Variants in PHRF1 observed in about 807,000 individuals in gnomAD.
PHRF1 encodes the protein PHD and ring finger domains 1.
PHRF1 carries 53 observed loss-of-function variants against 128.9 expected under a neutral mutation model. That is an observed-to-expected ratio of 0.41 (90% CI 0.33 to 0.52). The LOEUF is 0.52. Among genes scored for constraint, PHRF1 ranks in the 20% least tolerant of loss-of-function variants. The probability of loss-of-function intolerance (pLI) is 0.21; values close to 1 mark genes in which losing one functional copy is unlikely to be tolerated. For missense variants in PHRF1, 2,503 were observed against 2,284.5 expected (o/e 1.10, Z -1.95); for synonymous variants, 1,178 against 980.6 (o/e 1.20, Z -3.76).
In PHRF1 at chr11:611,624, C is replaced by T; in HGVS notation, c.4807-10C>T. The T allele has an allele frequency of 6.2e-7, 1 of 1,612,880 alleles. No homozygotes were observed. The highest frequency in any genetic ancestry group is 2.2e-5 in the East Asian group (1 of 44,886). On this transcript the variant is annotated splice_polypyrimidine_tract_variant and intron_variant, in intron 17 of 17. Coordinates refer to ENST00000264555, the MANE Select transcript of PHRF1 (RefSeq NM_001286581.2). ...GAAAGGGCATTTGGTGATTGCACCT[C>T]TTTCTCCAGATCTGCCACAGCAAGA... is the stretch of plus-strand genomic sequence containing the variant.
chr11:607,585 G>A lies in PHRF1; in HGVS notation c.2129G>A (p.Cys710Tyr), dbSNP rs1187716546. The A allele has an allele frequency of 6.2e-7, 1 of 1,612,462 alleles. No individual in the cohort carries two copies. The highest frequency in any genetic ancestry group is 2.2e-5 in the East Asian group (1 of 44,844). The change falls in exon 14 of 18, where the codon TGC (cysteine) becomes TAC (tyrosine). Residue 710 changes from cysteine (C) to tyrosine (Y), a missense_variant. By Grantham distance (194) the Cys-to-Tyr change is radical. Transcript: ENST00000264555. ...HGQSIEIPSA[C>Y]ISRLTGREGT... ...CAGAGCATTGAGATCCCCAGTGCCT[G>A]CATCAGCCGACTGACTGGCAGGGAG... is the stretch of plus-strand genomic sequence containing the variant.
chr11:587,499 C>A (rs1383160904), intron 4 of PHRF1, 35 bp downstream of exon 4: 1 of 1,602,698 alleles, frequency 6.2e-7, no homozygotes, highest in Admixed American at 1.7e-5. Flanking sequence ...TTCCTCCCTT[C>A]AGGATGGCCT....
At chr11:584,268 C>G (rs947041777) in intron 3 of PHRF1, among the ~76,000 whole-genome samples, 4 of 152,202 alleles carry the variant, frequency 2.6e-5, no homozygotes, top group Non-Finnish European at 4.4e-5. Context: ...GTTGCCAGGG[C>G]TGAAAGTGTG....
intron 10 of PHRF1, among the ~76,000 whole-genome samples, chr11:602,629 C>T (rs1355716425): frequency 6.6e-6 from 1 of 151,772 alleles, no homozygotes; most frequent in South Asian, 2.1e-4. Flanking sequence ...TGCAGTGAGC[C>T]GAGATTGCAC....
At chr11:581,815 G>T in intron 2 of PHRF1, 147 bp from the exon 3 acceptor site, 1 of 1,237,206 alleles carries the variant, frequency 8.1e-7, no homozygotes, top group East Asian at 2.6e-5. Flanking sequence ...CCCTTTCCTT[G>T]CTTGTGCCCC....
At chr11:609,757 C>G (rs1340126253) in intron 14 of PHRF1, 37 bp downstream of exon 14, 2 of 1,356,290 alleles carry the variant, frequency 1.5e-6, no homozygotes, top group Non-Finnish European at 1.9e-6. Context: ...GGACAGAGCC[C>G]CCAGTGAGTA....
intron 12 of PHRF1, 126 bp downstream of exon 12, chr11:605,850 C>A: frequency 7.2e-7 from 1 of 1,392,262 alleles, no homozygotes; most frequent in Non-Finnish European, 9.4e-7. Context: ...CTCCCCTCAG[C>A]TGTCATGCTC....
chr11:604,831 A>AT (rs1389762074), intron 10 of PHRF1, among the ~76,000 whole-genome samples: 1 of 152,180 alleles, frequency 6.6e-6, no homozygotes, highest in Non-Finnish European at 1.5e-5. Flanking sequence ...CATCAGTTGA[A>AT]TTTTTTGTTT....
chr11:577,171 C>T (rs1326855993), intron 1 of PHRF1, among the ~76,000 whole-genome samples: 2 of 152,218 alleles, frequency 1.3e-5, no homozygotes, highest in Non-Finnish European at 2.9e-5. Flanking sequence ...TTGCAGTCCT[C>T]ACAAGAGCCT....
At position 610,306 on chromosome 11, in the gene PHRF1, G is replaced by A. The variant is rs374975283; in HGVS notation, c.4375G>A (p.Val1459Met). The stretch of plus-strand genomic sequence containing the variant: ...CTCCGAGCTGCCCTTTCCCAGTCAC[G>A]TGCTTCCGGAACCCGGGTTCCCAGA... ...VFSELPFPSH[V>M]LPEPGFPDTD... is the part of the protein sequence containing the mutation. Residue 1459 changes from valine to methionine, a missense_variant, in exon 15 of 18, where the codon GTG becomes ATG. Val to Met is a conservative substitution (Grantham distance 21, BLOSUM62 1). Transcript: ENST00000264555. The A allele has an allele frequency of 1.6e-4, 254 of 1,565,300 alleles. No individual in the cohort carries two copies. Among genetic ancestry groups the A allele is most frequent in the South Asian group, 1.0e-3 (89 of 85,126 alleles).
At chr11:582,353 C>T (rs1854258464) in intron 3 of PHRF1, among the ~76,000 whole-genome samples, 1 of 151,180 alleles carries the variant, frequency 6.6e-6, no homozygotes, top group Admixed American at 6.6e-5. Context: ...CAACTTCTGC[C>T]TCCCGGGTTC....
intron 3 of PHRF1, among the ~76,000 whole-genome samples, chr11:583,107 G>C (rs11246200): frequency 1.3e-5 from 2 of 151,562 alleles, no homozygotes; most frequent in African/African-American, 4.8e-5. Flanking sequence ...TTGGGAGGCC[G>C]AGGCGGGCGG....
Position 608,069 on chromosome 11 carries a change from G to T in PHRF1, c.2613G>T (p.Gln871His). 1 of 1,611,656 alleles carries T rather than the reference G, an allele frequency of 6.2e-7. No individual in the cohort carries two copies. The highest frequency in any genetic ancestry group is 8.5e-7 in the Non-Finnish European group (1 of 1,179,876). ...RTISINSPKAQTVQAVRCVTS... is the reference protein window; with the variant it reads ...RTISINSPKAHTVQAVRCVTS... ...TCTCCATCAACAGCCCGAAGGCCCA[G>T]ACGGTGCAGGCTGTGCGCTGCGTCA... The change falls in exon 14 of 18, where the codon CAG (glutamine) becomes CAT (histidine). Residue 871 changes from glutamine (Q) to histidine (H), a missense_variant. Physicochemically the swap from Gln to His is conservative, Grantham distance 24 (BLOSUM62 0). Transcript: ENST00000264555.
intron 17 of PHRF1, 33 bp downstream of exon 17, chr11:611,115 G>T: frequency 6.2e-7 from 1 of 1,610,592 alleles, no homozygotes. Context: ...TGTGGGGCTC[G>T]GGGTCACGGG....
At chr11:605,500 C>T in intron 11 of PHRF1, 105 bp from the exon 12 acceptor site, 2 of 1,530,834 alleles carry the variant, frequency 1.3e-6, no homozygotes, top group South Asian at 2.5e-5. Context: ...CACGTGCCGC[C>T]ACATGGCCAG....
chr11:591,514 G>C (rs376791172), intron 5 of PHRF1, 47 bp downstream of exon 5: 5 of 1,472,350 alleles, frequency 3.4e-6, no homozygotes, highest in Non-Finnish European at 4.6e-6. Context: ...CTTCTATCCC[G>C]GCCCTGTGGG....
intron 17 of PHRF1, among the ~76,000 whole-genome samples, chr11:611,361 AC>A (rs968500460): frequency 5.3e-5 from 8 of 151,632 alleles, no homozygotes; most frequent in African/African-American, 9.7e-5. Flanking sequence ...TGGGAGAACG[AC>A]CCCCAGAGGT....
chr11:586,214 T>G (rs1854548303), intron 3 of PHRF1, among the ~76,000 whole-genome samples: 1 of 151,790 alleles, frequency 6.6e-6, no homozygotes, highest in Non-Finnish European at 1.5e-5. Context: ...GGATGGTCTC[T>G]ATCTCCTGAC....
In PHRF1 at chr11:597,734, GGTGACCCCAGC is replaced by G; in HGVS notation, c.894+166_894+176del. Among the ~76,000 whole-genome samples, 1 of 152,256 alleles carries G rather than the reference GGTGACCCCAGC, an allele frequency of 6.6e-6. No individual in the cohort carries two copies. Among genetic ancestry groups the G allele is most frequent in the East Asian group, 1.9e-4 (1 of 5,172 alleles). ...AGGGGAGCAGATGAGTGCACCCCAGGGTGACCCCAGCGGCCCAAGGTGGGGCTGCCTCTGAG... is the reference window on the plus strand; with the variant it reads ...AGGGGAGCAGATGAGTGCACCCCAGGGGCCCAAGGTGGGGCTGCCTCTGAG... On this transcript the variant is annotated intron_variant, in intron 8 of 17. Coordinates refer to ENST00000264555, the MANE Select transcript of PHRF1 (RefSeq NM_001286581.2). This position sits in a 1 kb window ranked among gnomAD's most constrained non-coding sequence, Gnocchi z 6.5.
Sources: allele counts gnomAD v4.1 joint callset (sites outside exome capture counted in the v4.1 genomes callset), GRCh38; gene constraint gnomAD v4.1.1; non-coding constraint Gnocchi (gnomAD v3.1); transcripts MANE v1.5; gene names NCBI Gene and HGNC (gene_info 2026-07-23, HGNC 2026-07-21).